The following UBXN8 variants were observed in gnomAD, a reference collection of about 807,000 sequenced individuals.
UBXN8 encodes UBX domain-containing protein 8.
A neutral mutation model predicts 32.1 loss-of-function variants in UBXN8; 27 were observed. The ratio of observed to expected loss-of-function variants is 0.84; its 90% CI spans 0.62 to 1.16. The LOEUF (loss-of-function observed/expected upper bound fraction) is 1.16, where lower values mean the gene tolerates loss of function less well. Among genes scored for constraint, UBXN8 ranks in the 50% most tolerant of loss-of-function variants. The pLI is 0.00. For synonymous variants in UBXN8, 109 were observed against 111.8 expected, an observed-to-expected ratio of 0.98 and a Z score of 0.16; for missense variants, 306 against 311.4, an observed-to-expected ratio of 0.98 and a Z score of 0.13.
At chr8:30,733,748 G>A (rs1013403670) in intron 1 of UBXN8, 1 of 152,320 alleles carries the variant, frequency 6.6e-6, no homozygotes, top group African/African-American at 2.4e-5. Context: ...CTAGGCTCAA[G>A]AGATCCTCTG....
Position 30,763,308 on chromosome 8 carries a change from T to A in UBXN8, c.606T>A (p.Asn202Lys), listed in dbSNP as rs896336430. 3.1e-6 allele frequency: 5 copies of A among 1,613,766 alleles called. No individual in the cohort carries two copies. In the African/African-American group the frequency reaches 6.7e-5, roughly 22 times the overall value. ...TTGCTCTCCGATGTCCCAGTGGGAA[T>A]GTCCTGAGGAGAAGGTTTTTGAAGT... Reference protein sequence around the residue: ...VTVALRCPSGNVLRRRFLKSY... With the variant: ...VTVALRCPSGKVLRRRFLKSY... The change falls in exon 7 of 8, where the codon AAT becomes AAA. Residue 202 changes from asparagine (N) to lysine (K), a missense_variant. By Grantham distance (94) the Asn-to-Lys change is moderately conservative. Transcript: ENST00000265616.
chr8:30,744,174 A>G lies in UBXN8; in HGVS notation c.-16A>G. 6.2e-7 allele frequency: 1 copy of G among 1,610,000 alleles called. No homozygotes were observed. The highest frequency in any genetic ancestry group is 2.2e-5 in the East Asian group (1 of 44,786). On this transcript the variant is annotated 5_prime_UTR_variant, in exon 1 of 8. Coordinates refer to ENST00000265616, the MANE Select transcript of UBXN8 (RefSeq NM_005671.4). ...AAGGGGCGGGCTTTCCGCCTGCACC[A>G]GGCGCTTCCGCCACCATGGCTTCAC...
chr8:30,761,736 A>T (rs1805837655), intron 6 of UBXN8, among the ~76,000 whole-genome samples: 1 of 152,146 alleles, frequency 6.6e-6, no homozygotes, highest in Non-Finnish European at 1.5e-5. Context: ...AGGAAAAAAA[A>T]CTAGGCAAAT....
At chr8:30,734,811 G>A (rs1322241160) in intron 1 of UBXN8, among the ~76,000 whole-genome samples, 6 of 152,014 alleles carry the variant, frequency 3.9e-5, no homozygotes, top group African/African-American at 1.2e-4. Flanking sequence ...AGGTGTGGTG[G>A]TGCACACCTG....
upstream of UBXN8, among the ~76,000 whole-genome samples, chr8:30,730,269 G>A (rs915859141): frequency 6.6e-6 from 1 of 152,196 alleles, no homozygotes; most frequent in Non-Finnish European, 1.5e-5. Context: ...GCACATGGCG[G>A]AGAGGCGTGT....
intron 5 of UBXN8, among the ~76,000 whole-genome samples, chr8:30,758,671 TA>T (rs1160769556): frequency 2.0e-5 from 3 of 152,192 alleles, no homozygotes; most frequent in South Asian, 2.1e-4. Context: ...ACGGACTGAT[TA>T]AAAATTCATG....
At chr8:30,747,325 T>C (rs1805388081) in intron 1 of UBXN8, among the ~76,000 whole-genome samples, 1 of 125,508 alleles carries the variant, frequency 8.0e-6, no homozygotes, top group Non-Finnish European at 1.7e-5. Flanking sequence ...TTTTTTTTTT[T>C]TTTGAGACAG....
At chr8:30,744,657 G>C (rs1805316084) in intron 1 of UBXN8, among the ~76,000 whole-genome samples, 1 of 152,316 alleles carries the variant, frequency 6.6e-6, no homozygotes, top group East Asian at 1.9e-4. Context: ...GGCTGGTCTC[G>C]AACTCCTGGG....
upstream of UBXN8, among the ~76,000 whole-genome samples, chr8:30,739,927 G>C (rs955125076): frequency 1.3e-5 from 2 of 152,032 alleles, no homozygotes; most frequent in Admixed American, 6.6e-5. Flanking sequence ...TTTGAGACAT[G>C]GTCTCTCTCT....
At chr8:30,751,808 T>A (rs912897800) in intron 2 of UBXN8, among the ~76,000 whole-genome samples, 11 of 152,140 alleles carry the variant, frequency 7.2e-5, no homozygotes, top group African/African-American at 2.7e-4. Flanking sequence ...TCCCTAATTT[T>A]AAATTGTGTG....
At chr8:30,734,219 T>C (rs1179828389) in intron 1 of UBXN8, 1 of 152,172 alleles carries the variant, frequency 6.6e-6, no homozygotes, top group East Asian at 1.9e-4. Context: ...TGGGATCCAA[T>C]TCTTTTACAA....
upstream of UBXN8, chr8:30,732,531 T>A (rs557417821): frequency 1.7e-3 from 551 of 326,942 alleles, 1 homozygote; most frequent in Non-Finnish European, 2.3e-3. Context: ...CTTTGCAGTA[T>A]TAGCTAAGCC....
At chr8:30,761,023 A>T in intron 6 of UBXN8, 94 bp downstream of exon 6, 1 of 840,408 alleles carries the variant, frequency 1.2e-6, no homozygotes, top group Non-Finnish European at 1.8e-6. Flanking sequence ...TGGGTTTAGA[A>T]AGAAGTGATA....
chr8:30,753,885 G>A (rs894022526), intron 3 of UBXN8, among the ~76,000 whole-genome samples: 6 of 146,430 alleles, frequency 4.1e-5, no homozygotes, highest in African/African-American at 1.0e-4. Flanking sequence ...GGATCTTCCT[G>A]CCTCAGCTTC....
At chr8:30,741,546 A>G (rs66849705), upstream of UBXN8, among the ~76,000 whole-genome samples, 31,187 of 145,420 alleles carry the variant, frequency 0.21, 4,174 homozygotes, top group African/African-American at 0.4. Flanking sequence ...CTACCTCCTG[A>G]GTTCAAGTGA....
upstream of UBXN8, among the ~76,000 whole-genome samples, chr8:30,730,527 G>C (rs1463278040): frequency 6.6e-6 from 1 of 152,146 alleles, no homozygotes; most frequent in African/African-American, 2.4e-5. Context: ...AAACCCCCAA[G>C]AGTATGTAAG....
intron 3 of UBXN8, chr8:30,754,304 G>C (rs1805590706): frequency 2.7e-6 from 1 of 371,878 alleles, no homozygotes; most frequent in African/African-American, 2.1e-5. Context: ...AAATTCTAAA[G>C]ATGGCACTTG....
chr8:30,766,526 C>A lies in UBXN8; in HGVS notation c.*132C>A. 1.1e-6 allele frequency: 1 copy of A among 903,846 alleles called. No homozygotes were observed. Among genetic ancestry groups the A allele is most frequent in the Non-Finnish European group, 1.6e-6 (1 of 638,558 alleles). The allele number at this position is 903,846 out of a possible 1,614,324, so 56.0% of individuals were successfully genotyped here. A position where few individuals can be genotyped will look rare whatever the true frequency, so the allele number is the denominator to read the frequency against. On this transcript the variant is annotated 3_prime_UTR_variant, in exon 8 of 8. Transcript: ENST00000265616. ...GCAGTAAACTTTGAACATTGATATC[C>A]ATGGGAATAGGATTAGAAAAGGATT...
At chr8:30,740,239 C>T (rs1290361189), upstream of UBXN8, among the ~76,000 whole-genome samples, 1 of 151,186 alleles carries the variant, frequency 6.6e-6, no homozygotes, top group Non-Finnish European at 1.5e-5. Flanking sequence ...GGTATGCATA[C>T]ATTGGAACTC....
Sources: allele counts gnomAD v4.1 joint callset (sites outside exome capture counted in the v4.1 genomes callset), GRCh38; gene constraint gnomAD v4.1.1; transcripts MANE v1.5; gene names NCBI Gene and HGNC (gene_info 2026-07-23, HGNC 2026-07-21).